Variants in MUC17 observed in about 807,000 individuals in gnomAD.
MUC17 encodes mucin 17, cell surface associated, also known as mucin-17.
Under a neutral mutation model 170.3 loss-of-function variants are expected in MUC17, and 190 were observed. That is an observed-to-expected ratio of 1.12 (90% CI 0.99 to 1.26). The LOEUF (loss-of-function observed/expected upper bound fraction) is 1.26. MUC17 is among the 50% of genes most tolerant of loss of function. The pLI, the probability that MUC17 is intolerant of heterozygous loss-of-function variation, is 0.00. For missense variants in MUC17, 6,415 were observed against 5,530.0 expected (o/e 1.16, Z -5.08); for synonymous variants, 2,325 against 2,002.5 (o/e 1.16, Z -4.30).
rs757049658 is a variant in MUC17, at chr7:101,041,769, A to G, written c.10353A>G (p.Ser3451=). ...CTGAAGGTACCAGCTTGCCAACCTC[A>G]ACTACTAGTGAAGGAAGCACTCCAT... ...TIAEGTSLPT[S]TTSEGSTPLS... is the part of the protein sequence containing the mutation. The change falls in exon 3 of 13, where the codon TCA becomes TCG. Residue 3451 remains serine, a synonymous_variant. Coordinates refer to ENST00000306151, the MANE Select transcript of MUC17 (RefSeq NM_001040105.2). The G allele has an allele frequency of 6.2e-7, 1 of 1,613,494 alleles. No individual in the cohort carries two copies. Among genetic ancestry groups the G allele is most frequent in the South Asian group, 1.1e-5 (1 of 91,052 alleles).
Position 101,034,730 on chromosome 7 carries a change from G to T in MUC17, c.3314G>T (p.Ser1105Ile), listed in dbSNP as rs1160786367. The change falls in exon 3 of 13, where the codon AGT becomes ATT. Residue 1105 changes from serine (S) to isoleucine (I), a missense_variant. Transcript: ENST00000306151. ...TYSEGSTPLTSVPVSTRLVVS... is the reference protein window; with the variant it reads ...TYSEGSTPLTIVPVSTRLVVS... ...AGTGAAGGAAGCACTCCACTAACAA[G>T]TGTGCCTGTCAGCACCAGGCTGGTG... The T allele has an allele frequency of 6.2e-7, 1 of 1,606,778 alleles. No individual in the cohort carries two copies. Among genetic ancestry groups the T allele is most frequent in the Admixed American group, 1.7e-5 (1 of 59,472 alleles).
At chr7:101,052,925 G>A in intron 9 of MUC17, 61 bp from the exon 10 acceptor site, 1 of 1,569,880 alleles carries the variant, frequency 6.4e-7, no homozygotes, top group East Asian at 2.2e-5. Context: ...CAGGGCCCAG[G>A]TCTGAAGCTG....
At position 101,038,830 on chromosome 7, in the gene MUC17, G is replaced by A. The variant is rs1183914682; in HGVS notation, c.7414G>A (p.Glu2472Lys). The A allele has an allele frequency of 1.9e-6, 3 of 1,612,778 alleles. No homozygotes were observed. Among genetic ancestry groups the A allele is most frequent in the Non-Finnish European group, 2.5e-6 (3 of 1,179,472 alleles). ...CAGCACCACGCCGGTGGTCAGTTCT[G>A]AGGCTGGCACCCTTTCCACAACTCC... ...PVSTTPVVSS[E>K]AGTLSTTPVD... Residue 2472 changes from glutamate to lysine, a missense_variant, in exon 3 of 13, where the codon GAG becomes AAG. Physicochemically the swap from Glu to Lys is moderately conservative, Grantham distance 56. Coordinates refer to ENST00000306151, the MANE Select transcript of MUC17 (RefSeq NM_001040105.2).
Position 101,039,554 on chromosome 7 carries a change from C to T in MUC17, c.8138C>T (p.Ser2713Leu). 6.2e-7 allele frequency: 1 copy of T among 1,612,410 alleles called. No homozygotes were observed. The highest frequency in any genetic ancestry group is 8.5e-7 in the Non-Finnish European group (1 of 1,179,014). Reference sequence around the variant, plus strand: ...GCCAATTCTGAGGCTAGCACCCTTTCAACAACTCCTGTTGACACCAGCACA... The same window carrying T: ...GCCAATTCTGAGGCTAGCACCCTTTTAACAACTCCTGTTGACACCAGCACA... ...LLANSEASTL[S>L]TTPVDTSTPV... The change falls in exon 3 of 13, where the codon TCA becomes TTA. Residue 2713 changes from serine (S) to leucine (L), a missense_variant. By Grantham distance (145) the Ser-to-Leu change is moderately radical. Transcript: ENST00000306151.
intron 11 of MUC17, 117 bp from the exon 12 acceptor site, chr7:101,056,077 A>C: frequency 7.0e-7 from 1 of 1,426,062 alleles, no homozygotes; most frequent in Non-Finnish European, 9.6e-7. Flanking sequence ...AAGGGTTTGC[A>C]GTTTCCTAGG....
chr7:101,051,946 A>G lies in MUC17; in HGVS notation c.13087A>G (p.Ser4363Gly). 6.2e-7 allele frequency: 1 copy of G among 1,613,458 alleles called. No individual in the cohort carries two copies. The highest frequency in any genetic ancestry group is 8.5e-7 in the Non-Finnish European group (1 of 1,179,572). ...CNLGKCQMSL[S>G]GPQCLCVTTE... is the part of the protein sequence containing the mutation. The stretch of plus-strand genomic sequence containing the variant: ...CCTCGGCAAGTGCCAGATGTCTCTA[A>G]GTGGACCTCAGTGCCTGTGAGTGCT... Residue 4363 changes from serine to glycine, a missense_variant, in exon 9 of 13, where the codon AGT becomes GGT. Ser to Gly is a moderately conservative substitution (Grantham distance 56, BLOSUM62 0). Transcript: ENST00000306151.
chr7:101,049,912 T>G (rs1584875999), intron 6 of MUC17, among the ~76,000 whole-genome samples: 1 of 152,170 alleles, frequency 6.6e-6, no homozygotes, highest in Middle Eastern at 3.4e-3. Context: ...GGAAGGATTA[T>G]TTGAGGCCGG....
Position 101,042,869 on chromosome 7 carries a change from C to A in MUC17, c.11453C>A (p.Thr3818Asn), listed in dbSNP as rs1562819193. The A allele has an allele frequency of 6.2e-7, 1 of 1,614,180 alleles. No individual in the cohort carries two copies. The highest frequency in any genetic ancestry group is 1.1e-5 in the South Asian group (1 of 91,080). Residue 3818 changes from threonine (T) to asparagine (N), a missense_variant, in exon 3 of 13, where the codon ACT becomes AAT. Transcript: ENST00000306151. ...AGTGAAAGAAGCACTTTATTGACAA[C>A]TGTCCTCATCAGCCCTATATCTGTG... ...TTSERSTLLT[T>N]VLISPISVMS...
chr7:101,037,220 C>A lies in MUC17; in HGVS notation c.5804C>A (p.Thr1935Asn), dbSNP rs759140072. 1 of 1,612,158 alleles carries A rather than the reference C, an allele frequency of 6.2e-7. No homozygotes were observed. The highest frequency in any genetic ancestry group is 8.5e-7 in the Non-Finnish European group (1 of 1,178,902). The stretch of plus-strand genomic sequence containing the variant: ...CCATTAACAAGTATACCTGTCAGCA[C>A]CACAACAGTGGCCAGTTCTGAAATC... ...RPPLTSIPVS[T>N]TTVASSEINT... The change falls in exon 3 of 13, where the codon ACC becomes AAC. Residue 1935 changes from threonine to asparagine, a missense_variant. Transcript: ENST00000306151.
rs761230035 is a variant in MUC17, at chr7:101,034,987, G to T, written c.3571G>T (p.Val1191Leu). The T allele has an allele frequency of 6.2e-6, 10 of 1,613,462 alleles. No individual in the cohort carries two copies. Among genetic ancestry groups the T allele is most frequent in the Admixed American group, 1.7e-5 (1 of 59,918 alleles). ...AACTCCTGTGGACTCCAAAACTCAG[G>T]TGGCCACTTCTACTGAAGCCAGTTC... ...STTPVDSKTQ[V>L]ATSTEASSPP... is the part of the protein sequence containing the mutation. The change falls in exon 3 of 13, where the codon GTG (valine) becomes TTG (leucine). Residue 1191 changes from valine (V) to leucine (L), a missense_variant. By Grantham distance (32) the Val-to-Leu change is conservative. Transcript: ENST00000306151.
intron 11 of MUC17, among the ~76,000 whole-genome samples, chr7:101,054,187 C>A (rs370727792): frequency 6.7e-6 from 1 of 149,536 alleles, no homozygotes; most frequent in Non-Finnish European, 1.5e-5. Flanking sequence ...ACAGCTAAAA[C>A]CTTATTTCCA....
rs1445161173 is a variant in MUC17, at chr7:101,058,028, T to C, written c.13466T>C (p.Met4489Thr). 6.2e-7 allele frequency: 1 copy of C among 1,614,076 alleles called. No individual in the cohort carries two copies. Among genetic ancestry groups the C allele is most frequent in the Non-Finnish European group, 8.5e-7 (1 of 1,179,952 alleles). The change falls in exon 13 of 13, where the codon ATG (methionine) becomes ACG (threonine). Residue 4489 changes from methionine to threonine, a missense_variant. Met to Thr is a moderately conservative substitution (Grantham distance 81). Transcript: ENST00000306151. ...TKIRIQRPQV[M>T]TTSF Reference sequence around the variant, plus strand: ...ATCCGAATTCAGAGGCCTCAGGTAATGACGACATCATTTTAAGGCATGGAG... The same window carrying C: ...ATCCGAATTCAGAGGCCTCAGGTAACGACGACATCATTTTAAGGCATGGAG...
chr7:101,056,048 G>A, intron 11 of MUC17, 146 bp from the exon 12 acceptor site: 1 of 1,142,194 alleles, frequency 8.8e-7, no homozygotes, highest in Non-Finnish European at 1.2e-6. Context: ...AGGTAATGTT[G>A]ACAGTTTGTC....
At position 101,033,800 on chromosome 7, in the gene MUC17, G is replaced by A; in HGVS notation, c.2384G>A (p.Ser795Asn). The part of the protein sequence containing the change: ...SCSPTTTEGT[S>N]MPISTPSEGS... ...TCTCCTACAACCACTGAAGGTACCA[G>A]CATGCCAATCTCAACTCCTAGTGAA... is the stretch of plus-strand genomic sequence containing the variant. Residue 795 changes from serine to asparagine, a missense_variant, in exon 3 of 13, where the codon AGC becomes AAC. Transcript: ENST00000306151. 1 of 1,613,996 alleles carries A rather than the reference G, an allele frequency of 6.2e-7. No individual in the cohort carries two copies. Among genetic ancestry groups the A allele is most frequent in the South Asian group, 1.1e-5 (1 of 91,056 alleles).
At position 101,031,990 on chromosome 7, in the gene MUC17, A is replaced by G; in HGVS notation, c.574A>G (p.Thr192Ala). ...TATGAGCACACCTCTGACCACTTCT[A>G]CTCAGGCAAGTTCATCTCCTACTAC... ...VDMSTPLTTS[T>A]QASSSPTTPE... The change falls in exon 3 of 13, where the codon ACT becomes GCT. Residue 192 changes from threonine (T) to alanine (A), a missense_variant. Thr to Ala is a moderately conservative substitution (Grantham distance 58). Transcript: ENST00000306151. 3 of 1,614,194 alleles carry G rather than the reference A, an allele frequency of 1.9e-6. No individual in the cohort carries two copies. Among genetic ancestry groups the G allele is most frequent in the Non-Finnish European group, 2.5e-6 (3 of 1,180,044 alleles).
At chr7:101,025,817 G>T (rs1175596786) in intron 1 of MUC17, among the ~76,000 whole-genome samples, 3 of 151,184 alleles carry the variant, frequency 2.0e-5, no homozygotes, top group African/African-American at 4.9e-5. Flanking sequence ...AAAAAGCTGG[G>T]CATGGTGATG....
Position 101,039,788 on chromosome 7 carries a change from C to G in MUC17, c.8372C>G (p.Ser2791Cys). 6.2e-7 allele frequency: 1 copy of G among 1,609,276 alleles called. No homozygotes were observed. Among genetic ancestry groups the G allele is most frequent in the Non-Finnish European group, 8.5e-7 (1 of 1,176,936 alleles). The change falls in exon 3 of 13, where the codon TCT becomes TGT. Residue 2791 changes from serine (S) to cysteine (C), a missense_variant. Coordinates refer to ENST00000306151, the MANE Select transcript of MUC17 (RefSeq NM_001040105.2). ...ACCACTTCTACTGAAGCCAGTTCCT[C>G]TCCTACAACTGCTGAAGTTACCAGC... ...PVTTSTEASS[S>C]PTTAEVTSMP...
chr7:101,041,077 A>G lies in MUC17; in HGVS notation c.9661A>G (p.Met3221Val), dbSNP rs200767714. The G allele has an allele frequency of 7.4e-5, 120 of 1,613,738 alleles. 1 individual carries two copies. The highest frequency in any genetic ancestry group is 8.5e-7 in the Non-Finnish European group (1 of 1,179,976). The change falls in exon 3 of 13, where the codon ATG becomes GTG. Residue 3221 changes from methionine (M) to valine (V), a missense_variant. Transcript: ENST00000306151. ...TCCAACCTCAACTCCTAGTGAAGGA[A>G]TGACTCCATTAACTAGTGTACCTGT... Reference protein sequence around the residue: ...SIPTSTPSEGMTPLTSVPVSN... With the variant: ...SIPTSTPSEGVTPLTSVPVSN...
chr7:101,037,372 C>T lies in MUC17; in HGVS notation c.5956C>T (p.Pro1986Ser). 1 of 1,614,034 alleles carries T rather than the reference C, an allele frequency of 6.2e-7. No individual in the cohort carries two copies. Among genetic ancestry groups the T allele is most frequent in the Middle Eastern group, 1.6e-4 (1 of 6,062 alleles). The part of the protein sequence containing the change: ...PTPAYSEGST[P>S]LTSMPLSTTL... ...CCCAGCTTATAGTGAAGGAAGCACT[C>T]CACTAACAAGTATGCCTCTCAGCAC... The change falls in exon 3 of 13, where the codon CCA (proline) becomes TCA (serine). Residue 1986 changes from proline (P) to serine (S), a missense_variant. Pro to Ser is a moderately conservative substitution (Grantham distance 74, BLOSUM62 -1). Coordinates refer to ENST00000306151, the MANE Select transcript of MUC17 (RefSeq NM_001040105.2).
Sources: gnomAD v4.1 joint callset for allele counts (sites outside exome capture counted in the v4.1 genomes callset) on GRCh38, gnomAD v4.1.1 for gene constraint, MANE v1.5 for transcripts, NCBI Gene and HGNC (gene_info 2026-07-23, HGNC 2026-07-21) for gene names.